Variants in DNAH6 observed in about 807,000 individuals in gnomAD.
DNAH6 encodes axonemal beta dynein heavy chain 6.
Under a neutral mutation model 491.4 loss-of-function variants are expected in DNAH6, and 340 were observed. That is an observed-to-expected ratio of 0.69 (90% CI 0.63 to 0.76). The LOEUF (loss-of-function observed/expected upper bound fraction) is 0.76. DNAH6 is among the 30% of genes least tolerant of loss of function. The pLI is 0.00. For missense variants in DNAH6, 4,443 were observed against 4,972.2 expected (o/e 0.89, Z 3.20); for synonymous variants, 1,603 against 1,686.1 (o/e 0.95, Z 1.21).
In DNAH6 at chr2:84,694,482, T is replaced by C; in HGVS notation, c.7524+2T>C. 6.5e-7 allele frequency: 1 copy of C among 1,549,648 alleles called. No homozygotes were observed. Among genetic ancestry groups the C allele is most frequent in the Non-Finnish European group, 8.7e-7 (1 of 1,145,150 alleles). On this transcript the variant is annotated splice_donor_variant, in intron 46 of 76. Transcript: ENST00000389394. LOFTEE classifies it high-confidence loss of function. The stretch of plus-strand genomic sequence containing the variant: ...GTTTTCCTTTTCACTGACACCCAGG[T>C]GTGTGTTTAAATAGCCCATGGGTGA...
At chr2:84,628,173 G>T (rs1053407853) in intron 29 of DNAH6, among the ~76,000 whole-genome samples, 1 of 152,310 alleles carries the variant, frequency 6.6e-6, no homozygotes, top group East Asian at 1.9e-4. Context: ...GATTCATACA[G>T]GCATGGATGG....
intron 72 of DNAH6, among the ~76,000 whole-genome samples, chr2:84,811,371 C>G (rs1458017332): frequency 6.6e-6 from 1 of 152,220 alleles, no homozygotes; most frequent in Non-Finnish European, 1.5e-5. Flanking sequence ...CATAACCCAA[C>G]TATATGCTCT....
the DNAH6 span, among the ~76,000 whole-genome samples, chr2:84,504,091 T>C: frequency 1.3e-5 from 2 of 152,128 alleles, no homozygotes; most frequent in Non-Finnish European, 2.9e-5. Flanking sequence ...TTGTTTTTTG[T>C]TATTTTTTTC....
intron 16 of DNAH6, among the ~76,000 whole-genome samples, chr2:84,589,728 A>C (rs867969947): frequency 6.6e-6 from 1 of 151,724 alleles, no homozygotes; most frequent in Non-Finnish European, 1.5e-5. Context: ...AAAAAAAAAA[A>C]AAAGAAAGGT....
intron 64 of DNAH6, among the ~76,000 whole-genome samples, chr2:84,763,860 G>A (rs941286611): frequency 3.3e-5 from 5 of 151,886 alleles, no homozygotes; most frequent in African/African-American, 1.2e-4. Flanking sequence ...AGCCAGGAGA[G>A]CTGATGGTAT....
At chr2:84,720,720 C>T (rs1049905026) in intron 59 of DNAH6, among the ~76,000 whole-genome samples, 1 of 152,148 alleles carries the variant, frequency 6.6e-6, no homozygotes, top group Non-Finnish European at 1.5e-5. Flanking sequence ...TGTCTGCTTT[C>T]GAGCTCCCAA....
At chr2:84,546,752 A>G (rs1431930482) in intron 5 of DNAH6, among the ~76,000 whole-genome samples, 1 of 152,152 alleles carries the variant, frequency 6.6e-6, no homozygotes, top group Non-Finnish European at 1.5e-5. Context: ...TTTCTTTGGC[A>G]CATACCTAGG....
intron 54 of DNAH6, among the ~76,000 whole-genome samples, chr2:84,709,088 A>G (rs1558942224): frequency 1.3e-5 from 2 of 152,258 alleles, no homozygotes; most frequent in Non-Finnish European, 2.9e-5. Context: ...TCATTTACAC[A>G]TGAGACAACT....
At chr2:84,670,003 C>T (rs1692567387) in intron 38 of DNAH6, among the ~76,000 whole-genome samples, 1 of 152,296 alleles carries the variant, frequency 6.6e-6, no homozygotes, top group Non-Finnish European at 1.5e-5. Flanking sequence ...GTAAACAGGA[C>T]TTCACCGTTT....
intron 71 of DNAH6, among the ~76,000 whole-genome samples, chr2:84,806,734 G>C (rs1679455275): frequency 6.6e-6 from 1 of 151,616 alleles, no homozygotes; most frequent in South Asian, 2.1e-4. Context: ...GGTTGGAAGA[G>C]ATGTCATTAT....
chr2:84,548,590 A>T (rs1679025951), intron 8 of DNAH6, among the ~76,000 whole-genome samples, 173 bp downstream of exon 8: 1 of 152,256 alleles, frequency 6.6e-6, no homozygotes, highest in South Asian at 2.1e-4. Flanking sequence ...AAAAATTAAA[A>T]TGAAAAGTAG....
chr2:84,761,465 T>C (rs1478073907), intron 63 of DNAH6, among the ~76,000 whole-genome samples: 1 of 152,014 alleles, frequency 6.6e-6, no homozygotes, highest in Non-Finnish European at 1.5e-5. Context: ...TTTTACCCCA[T>C]AAATTTATAC....
chr2:84,466,531 C>T, the DNAH6 span, among the ~76,000 whole-genome samples: 6 of 152,154 alleles, frequency 3.9e-5, no homozygotes, highest in African/African-American at 1.4e-4. Context: ...TTCCTCGATT[C>T]TGAAAAACAA....
Position 84,813,987 on chromosome 2 carries a change from T to A in DNAH6, c.12015T>A (p.His4005Gln). ...CAATTACAGGAACTCTTCAAAATCA[T>A]GCTCGAAAATACAATTTGCCTATAG... is the stretch of plus-strand genomic sequence containing the variant. ...QGFLTGTLQNHARKYNLPIDE... is the reference protein window; with the variant it reads ...QGFLTGTLQNQARKYNLPIDE... Residue 4005 changes from histidine to glutamine, a missense_variant, in exon 75 of 77, where the codon CAT becomes CAA. Transcript: ENST00000389394. 6.4e-7 allele frequency: 1 copy of A among 1,551,730 alleles called. No homozygotes were observed. The highest frequency in any genetic ancestry group is 8.7e-7 in the Non-Finnish European group (1 of 1,146,984).
the DNAH6 span, among the ~76,000 whole-genome samples, chr2:84,509,586 T>C: frequency 6.6e-6 from 1 of 152,212 alleles, no homozygotes; most frequent in Non-Finnish European, 1.5e-5. Context: ...TTAAGGTTAA[T>C]ATTGTTATGT....
chr2:84,711,185 T>G (rs1697009647), intron 56 of DNAH6, among the ~76,000 whole-genome samples: 1 of 152,142 alleles, frequency 6.6e-6, no homozygotes, highest in Non-Finnish European at 1.5e-5. Context: ...CTGGTCTGAC[T>G]TAGATATGTG....
chr2:84,779,224 T>C (rs1676443614), intron 64 of DNAH6, among the ~76,000 whole-genome samples: 1 of 152,238 alleles, frequency 6.6e-6, no homozygotes, highest in African/African-American at 2.4e-5. Flanking sequence ...ATGTGTCTAA[T>C]ACTGTCAGTG....
chr2:84,672,348 T>C lies in DNAH6; in HGVS notation c.6476T>C (p.Ile2159Thr), dbSNP rs946714790. ...CTAGGAGCACCGGGAAACAAACGAA[T>C]TGTGATTTTTGTTGATGATTTAAAC... ...NILGAPGNKR[I>T]VIFVDDLNMP... is the part of the protein sequence containing the mutation. The change falls in exon 40 of 77, where the codon ATT becomes ACT. Residue 2159 changes from isoleucine (I) to threonine (T), a missense_variant. This residue lies in a region of DNAH6 where 2,977 missense variants were observed against 3,296.6 expected (regional missense o/e 0.90). Transcript: ENST00000389394. The C allele has an allele frequency of 1.0e-5, 16 of 1,549,024 alleles. No homozygotes were observed. Among genetic ancestry groups the C allele is most frequent in the Non-Finnish European group, 1.4e-5 (16 of 1,145,942 alleles).
intron 33 of DNAH6, among the ~76,000 whole-genome samples, chr2:84,646,359 A>G (rs1689896500): frequency 6.6e-6 from 1 of 152,118 alleles, no homozygotes; most frequent in Non-Finnish European, 1.5e-5. Context: ...AGGCCAACTA[A>G]TGACCCTACA....
Sources: allele counts gnomAD v4.1 joint callset (sites outside exome capture counted in the v4.1 genomes callset), GRCh38; gene constraint gnomAD v4.1.1; regional missense constraint gnomAD v4.1.1; transcripts MANE v1.5; gene names NCBI Gene and HGNC (gene_info 2026-07-23, HGNC 2026-07-21).